PTPRZ1: variants seen among roughly 807,000 people sequenced by gnomAD.
PTPRZ1 encodes protein tyrosine phosphatase receptor type Z1.
In PTPRZ1, 82 loss-of-function variants were observed where a neutral mutation model predicts 214.1. That is an observed-to-expected ratio of 0.38 (90% CI 0.32 to 0.46). The LOEUF is 0.46. Ranked by LOEUF, PTPRZ1 falls within the 20% of genes least tolerant of loss-of-function variation. The pLI is 1.00. For synonymous variants in PTPRZ1, 945 were observed against 987.9 expected, an observed-to-expected ratio of 0.96 and a Z score of 0.81; for missense variants, 2,603 against 2,748.7, an observed-to-expected ratio of 0.95 and a Z score of 1.19.
chr7:122,017,155 A>G (rs1461470921), intron 12 of PTPRZ1, among the ~76,000 whole-genome samples: 2 of 152,206 alleles, frequency 1.3e-5, no homozygotes, highest in Non-Finnish European at 2.9e-5. Flanking sequence ...CTTACTTTCC[A>G]TCTAGGTAAC....
chr7:122,005,672 AAGC>A (rs1348373549), intron 11 of PTPRZ1, among the ~76,000 whole-genome samples: 1 of 151,986 alleles, frequency 6.6e-6, no homozygotes, highest in East Asian at 1.9e-4. Context: ...ACACACATAC[AAGC>A]GATCAACAGA....
intron 4 of PTPRZ1, among the ~76,000 whole-genome samples, chr7:121,975,925 T>G (rs2116541236): frequency 6.6e-6 from 1 of 152,306 alleles, no homozygotes; most frequent in South Asian, 2.1e-4. Context: ...ATATGATTAT[T>G]TATTTTATGT....
rs539589616 is a variant in PTPRZ1, at chr7:122,013,597, T to G, written c.4551T>G (p.Asp1517Glu). The G allele has an allele frequency of 4.3e-6, 7 of 1,614,010 alleles. No homozygotes were observed. The African/African-American group carries it at 8.0e-5, about 18-fold the overall frequency. Residue 1517 changes from aspartate to glutamate, a missense_variant, in exon 12 of 30, where the codon GAT becomes GAG. This residue lies in a region of PTPRZ1 where 1,913 missense variants were observed against 1,914.3 expected (regional missense o/e 1.00). Coordinates refer to ENST00000393386, the MANE Select transcript of PTPRZ1 (RefSeq NM_002851.3). ...SANGLSQKHNDGKEENDIQTG... is the reference protein window; with the variant it reads ...SANGLSQKHNEGKEENDIQTG... ...ATGGGCTATCCCAAAAGCACAATGA[T>G]GGAAAAGAGGAAAATGACATTCAGA... is the stretch of plus-strand genomic sequence containing the variant.
At chr7:121,976,494 A>C (rs1248113249) in intron 5 of PTPRZ1, among the ~76,000 whole-genome samples, 3 of 152,154 alleles carry the variant, frequency 2.0e-5, no homozygotes, top group Non-Finnish European at 2.9e-5. Flanking sequence ...GTGTTCTATT[A>C]AGTACACAGA....
At chr7:121,984,251 A>C (rs533259075) in intron 8 of PTPRZ1, 134 bp downstream of exon 8, 1 of 783,366 alleles carries the variant, frequency 1.3e-6, no homozygotes, top group Non-Finnish European at 1.8e-6. Flanking sequence ...GCTTTAGATA[A>C]GCTGTCTAAT....
chr7:122,044,659 G>T (rs143212606), intron 23 of PTPRZ1, 91 bp downstream of exon 23: 5 of 1,339,972 alleles, frequency 3.7e-6, no homozygotes, highest in Non-Finnish European at 5.1e-6. Context: ...CGTTGAGTGG[G>T]CAGTATGGGT....
chr7:122,036,490 T>G, intron 17 of PTPRZ1, 110 bp from the exon 18 acceptor site: 2 of 743,052 alleles, frequency 2.7e-6, no homozygotes, highest in Non-Finnish European at 4.4e-6. Context: ...AGTAAATGAT[T>G]GCTTGTGTTG....
At chr7:122,042,231 G>A (rs180811267) in intron 21 of PTPRZ1, among the ~76,000 whole-genome samples, 32 of 152,212 alleles carry the variant, frequency 2.1e-4, no homozygotes, top group Non-Finnish European at 3.7e-4. Context: ...TCAGAATTTG[G>A]TGAAGTTAAA....
chr7:121,958,669 C>T (rs943891665), intron 2 of PTPRZ1, among the ~76,000 whole-genome samples: 1 of 152,188 alleles, frequency 6.6e-6, no homozygotes, highest in African/African-American at 2.4e-5. Context: ...CAAAGTCTTT[C>T]TATTCATAAT....
chr7:121,988,167 G>A (rs933550457), intron 8 of PTPRZ1, among the ~76,000 whole-genome samples: 15 of 152,130 alleles, frequency 9.9e-5, no homozygotes, highest in Non-Finnish European at 1.9e-4. Context: ...TAAAATAAAA[G>A]TTGAAGTAAA....
At chr7:121,967,652 A>C (rs539597291) in intron 2 of PTPRZ1, among the ~76,000 whole-genome samples, 1 of 152,198 alleles carries the variant, frequency 6.6e-6, no homozygotes, top group Non-Finnish European at 1.5e-5. Context: ...GTTAGTTCTC[A>C]TTGACTCCCT....
intron 1 of PTPRZ1, among the ~76,000 whole-genome samples, chr7:121,888,994 CAATT>C (rs1794493907): frequency 6.6e-6 from 1 of 151,866 alleles, no homozygotes; most frequent in Admixed American, 6.6e-5. Context: ...TTTTAAAACA[CAATT>C]ATATAGGGAA....
At chr7:121,927,772 T>C (rs531935595) in intron 1 of PTPRZ1, among the ~76,000 whole-genome samples, 1 of 152,336 alleles carries the variant, frequency 6.6e-6, no homozygotes, top group Non-Finnish European at 1.5e-5. Context: ...CATAAAGGTA[T>C]CTTTAATTAA....
intron 2 of PTPRZ1, among the ~76,000 whole-genome samples, chr7:121,931,683 T>C (rs946412063): frequency 2.0e-5 from 3 of 152,140 alleles, no homozygotes; most frequent in African/African-American, 7.2e-5. Flanking sequence ...CATACCATTG[T>C]GCAATATCTT....
At chr7:121,975,507 C>T (rs573342365) in intron 4 of PTPRZ1, among the ~76,000 whole-genome samples, 3 of 152,186 alleles carry the variant, frequency 2.0e-5, no homozygotes, top group Non-Finnish European at 4.4e-5. Context: ...CTCTGTTGCA[C>T]ACCCTCTGTT....
intron 21 of PTPRZ1, among the ~76,000 whole-genome samples, chr7:122,041,242 C>CTA (rs1430140895): frequency 6.6e-6 from 1 of 152,102 alleles, no homozygotes; most frequent in Non-Finnish European, 1.5e-5. Context: ...AGCTTATTAA[C>CTA]TATTTGAGGC....
In PTPRZ1 at chr7:122,023,726, T is replaced by TATGTATAATTTTATATATAATTATATATA. The variant is rs1562868706; in HGVS notation, c.4988+4459_4988+4487dup. Among the ~76,000 whole-genome samples, 60 of 108,782 alleles carry TATGTATAATTTTATATATAATTATATATA rather than the reference T, an allele frequency of 5.5e-4. 2 individuals carry two copies. The highest frequency in any genetic ancestry group is 1.3e-3 in the Admixed American group (10 of 7,988). The allele number at this position is 108,782 out of a possible 152,430, so 71.4% of individuals were successfully genotyped here. A position where few individuals can be genotyped will look rare whatever the true frequency, so the allele number is the denominator to read the frequency against. On this transcript the variant is annotated intron_variant, in intron 13 of 29. Coordinates refer to ENST00000393386, the MANE Select transcript of PTPRZ1 (RefSeq NM_002851.3). Reference sequence around the variant, plus strand: ...ATTTTATATATAATTATATATATTATATGTATAATTTTATATATAATTATA... The same window carrying TATGTATAATTTTATATATAATTATATATA: ...ATTTTATATATAATTATATATATTATATGTATAATTTTATATATAATTATATATAATGTATAATTTTATATATAATTATA...
intron 4 of PTPRZ1, among the ~76,000 whole-genome samples, chr7:121,974,510 CAG>C (rs1427934358): frequency 7.2e-5 from 11 of 152,150 alleles, no homozygotes; most frequent in African/African-American, 1.7e-4. Flanking sequence ...TGCTTTGAGA[CAG>C]AGTCTCGCCC....
chr7:121,982,032 T>C (rs1797629384), intron 6 of PTPRZ1, among the ~76,000 whole-genome samples: 2 of 152,220 alleles, frequency 1.3e-5, no homozygotes, highest in South Asian at 4.1e-4. Context: ...TATGAATATG[T>C]TCATTTAAAT....
Sources: gnomAD v4.1 joint callset for allele counts (sites outside exome capture counted in the v4.1 genomes callset) on GRCh38, gnomAD v4.1.1 for gene constraint, gnomAD v4.1.1 regional missense constraint, MANE v1.5 for transcripts, NCBI Gene and HGNC (gene_info 2026-07-23, HGNC 2026-07-21) for gene names.